Variants in DPH7 observed in about 807,000 individuals in gnomAD.
DPH7 encodes the protein diphthamide biosynthesis 7.
A neutral mutation model predicts 41.7 loss-of-function variants in DPH7; 44 were observed. The observed-to-expected ratio is 1.05, with a 90% CI of 0.83 to 1.36. The LOEUF is 1.36. DPH7 is among the 40% of genes most tolerant of loss of function. The pLI is 0.00. For missense variants in DPH7, 629 were observed against 577.5 expected (o/e 1.09, Z -0.91); for synonymous variants, 275 against 238.0 (o/e 1.16, Z -1.43).
intron 4 of DPH7, 158 bp from the exon 5 acceptor site, chr9:137,574,538 T>C: frequency 1.1e-6 from 1 of 871,092 alleles, no homozygotes; most frequent in Non-Finnish European, 1.7e-6. Flanking sequence ...GCTAAGCTTG[T>C]CAAAGACACC....
At chr9:137,577,197 C>G (rs1841560196) in intron 2 of DPH7, among the ~76,000 whole-genome samples, 1 of 152,130 alleles carries the variant, frequency 6.6e-6, no homozygotes, top group Non-Finnish European at 1.5e-5. Context: ...AATCTCAGCT[C>G]CAAAAGTGGG....
At position 137,556,136 on chromosome 9, in the gene DPH7, C is replaced by T. The variant is rs893078426; in HGVS notation, c.950-488G>A. Among the ~76,000 whole-genome samples, 7 of 152,152 alleles carry T rather than the reference C, an allele frequency of 4.6e-5. No individual in the cohort carries two copies. The highest frequency in any genetic ancestry group is 7.2e-5 in the African/African-American group (3 of 41,422). Reference sequence around the variant, plus strand: ...TGGAGCGTCCCAAGCATGCAGGGTCCGGCACGCCCTGTTTCAGAGTCTGGA... The same window carrying T: ...TGGAGCGTCCCAAGCATGCAGGGTCTGGCACGCCCTGTTTCAGAGTCTGGA... On this transcript the variant is annotated intron_variant, in intron 8 of 8. Transcript: ENST00000277540. The surrounding 1 kb of genome is among the most constrained non-coding windows in gnomAD (Gnocchi z 5.2).
intron 2 of DPH7, 64 bp downstream of exon 2, chr9:137,577,385 GTCTTGTTGAAGGCATCAGGCA>G: frequency 1.5e-6 from 2 of 1,355,560 alleles, no homozygotes; most frequent in Non-Finnish European, 2.1e-6. Flanking sequence ...TGCAATGCCT[GTCTTGTTGAAGGCATCAGGCA>G]TCAGGCTTCC....
At chr9:137,573,892 CCT>C (rs1840919548) in intron 5 of DPH7, among the ~76,000 whole-genome samples, 2 of 151,860 alleles carry the variant, frequency 1.3e-5, no homozygotes, top group South Asian at 4.2e-4. Context: ...ATGGTGAAAC[CCT>C]GTCTCTACTA....
At chr9:137,558,214 G>A (rs1029446140) in intron 8 of DPH7, among the ~76,000 whole-genome samples, 1 of 152,154 alleles carries the variant, frequency 6.6e-6, no homozygotes, top group Non-Finnish European at 1.5e-5. Flanking sequence ...TCTCAGACCT[G>A]TCTTAGTTCA....
chr9:137,573,385 A>G (rs796177595), intron 5 of DPH7, among the ~76,000 whole-genome samples: 1,350 of 128,898 alleles, frequency 0.01, 28 homozygotes, highest in African/African-American at 0.039. Context: ...AAAAAAAAAG[A>G]ATAGCTAAGT....
intron 8 of DPH7, among the ~76,000 whole-genome samples, chr9:137,558,873 T>G (rs760377482): frequency 5.3e-5 from 8 of 152,254 alleles, no homozygotes; most frequent in Non-Finnish European, 8.8e-5. Flanking sequence ...TAGCTGGGAC[T>G]ACAGGCGCCC....
At chr9:137,570,578 G>C (rs1840262813) in intron 5 of DPH7, among the ~76,000 whole-genome samples, 1 of 152,192 alleles carries the variant, frequency 6.6e-6, no homozygotes, top group Admixed American at 6.5e-5. Flanking sequence ...ATGCAAGTCA[G>C]AATCTGTCAT....
At chr9:137,577,084 T>G (rs567100725) in intron 2 of DPH7, among the ~76,000 whole-genome samples, 18 of 150,228 alleles carry the variant, frequency 1.2e-4, no homozygotes, top group Middle Eastern at 3.5e-3. Flanking sequence ...GGATAAAAAC[T>G]GGTACACCTG....
At chr9:137,563,793 G>A (rs1010504304) in intron 8 of DPH7, among the ~76,000 whole-genome samples, 8 of 152,170 alleles carry the variant, frequency 5.3e-5, no homozygotes, top group Admixed American at 3.9e-4. Flanking sequence ...CAAGTCAGGA[G>A]GGAAGAGGAG....
In DPH7 at chr9:137,574,809, G is replaced by C. The variant is rs1841094712; in HGVS notation, c.410C>G (p.Ala137Gly). 6.2e-7 allele frequency: 1 copy of C among 1,613,892 alleles called. No individual in the cohort carries two copies. Among genetic ancestry groups the C allele is most frequent in the African/African-American group, 1.3e-5 (1 of 74,886 alleles). The change falls in exon 4 of 9, where the codon GCC becomes GGC. Residue 137 changes from alanine (A) to glycine (G), a missense_variant. Ala to Gly is a moderately conservative substitution (Grantham distance 60). Coordinates refer to ENST00000277540, the MANE Select transcript of DPH7 (RefSeq NM_138778.5). ...CAAAGCCAGACACTGCTCCTCCAGG[G>C]CAAGGCTGGACAATGGCTCCAGCAC... The part of the protein sequence containing the change: ...SHVLEPLSSL[A>G]LEEQCLALSL...
In DPH7 at chr9:137,564,964, A is replaced by G. The variant is rs984665520; in HGVS notation, c.711-6T>C. The G allele has an allele frequency of 1.3e-6, 2 of 1,595,136 alleles. No homozygotes were observed. Among genetic ancestry groups the G allele is most frequent in the Non-Finnish European group, 8.5e-7 (1 of 1,170,638 alleles). ...TGCACACACCCATGGTGTGTCTGCA[A>G]GCAGAGGCGGCTTCTGAACCAGTGT... On this transcript the variant is annotated splice_region_variant and splice_polypyrimidine_tract_variant and intron_variant, in intron 6 of 8. Transcript: ENST00000277540.
chr9:137,574,610 T>C (rs1841062320), intron 4 of DPH7, 142 bp downstream of exon 4: 5 of 919,364 alleles, frequency 5.4e-6, no homozygotes, highest in African/African-American at 5.0e-5. Flanking sequence ...GACCTTTTTT[T>C]CATAATAGGA....
Position 137,555,009 on chromosome 9 carries a change from G to A in DPH7, c.*230C>T, listed in dbSNP as rs902446552. On this transcript the variant is annotated 3_prime_UTR_variant, in exon 9 of 9. Coordinates refer to ENST00000277540, the MANE Select transcript of DPH7 (RefSeq NM_138778.5). ...TTAACAAATCTGCAAGCTGGAAACC[G>A]CGTCTTTTCCCCACTCTCTGCCAGA... 39 of 430,834 alleles carry A rather than the reference G, an allele frequency of 9.1e-5. No individual in the cohort carries two copies. The highest frequency in any genetic ancestry group is 6.7e-4 in the African/African-American group (33 of 49,300). 26.7% of individuals were successfully genotyped at this position (430,834 alleles called of 1,614,324 possible).
In DPH7 at chr9:137,554,551, C is replaced by A. The variant is rs189668861; in HGVS notation, c.*688G>T. ...CCTCCTGGGCTCAACAATCCTCCTG[C>A]CTCAGCCTCCCAAGTGGCTGGGACC... is the stretch of plus-strand genomic sequence containing the variant. On this transcript the variant is annotated 3_prime_UTR_variant, in exon 9 of 9. Coordinates refer to ENST00000277540, the MANE Select transcript of DPH7 (RefSeq NM_138778.5). 2.0e-5 allele frequency among the ~76,000 whole-genome samples: 3 copies of A among 152,290 alleles called. No homozygotes were observed. The highest frequency in any genetic ancestry group is 7.2e-5 in the African/African-American group (3 of 41,556).
chr9:137,569,313 ACCCACCCCCCACCCACCT>A (rs1839973770), intron 5 of DPH7, among the ~76,000 whole-genome samples: 1 of 8,170 alleles, frequency 1.2e-4, no homozygotes, highest in African/African-American at 5.1e-4. Flanking sequence ...CCATGCCCCC[ACCCACCCCCCACCCACCT>A]TCCATCCATC....
intron 5 of DPH7, among the ~76,000 whole-genome samples, chr9:137,572,349 A>G (rs912313051): frequency 6.6e-6 from 1 of 152,224 alleles, no homozygotes; most frequent in East Asian, 1.9e-4. Context: ...CAGATTCCAC[A>G]GGCCTTGGGT....
chr9:137,576,392 T>C, intron 2 of DPH7: 1 of 543,096 alleles, frequency 1.8e-6, no homozygotes, highest in Non-Finnish European at 3.3e-6. Flanking sequence ...CAACAGGAAG[T>C]GGTTGTATAT....
At chr9:137,571,201 T>TG (rs1225780364) in intron 5 of DPH7, among the ~76,000 whole-genome samples, 4 of 151,962 alleles carry the variant, frequency 2.6e-5, no homozygotes, top group Non-Finnish European at 4.4e-5. Flanking sequence ...AAATTTTTTT[T>TG]TTTTGAGACA....
Sources: gnomAD v4.1 joint callset for allele counts (sites outside exome capture counted in the v4.1 genomes callset) on GRCh38, gnomAD v4.1.1 for gene constraint, Gnocchi (gnomAD v3.1) non-coding constraint, MANE v1.5 for transcripts, NCBI Gene and HGNC (gene_info 2026-07-23, HGNC 2026-07-21) for gene names.